Variants in SLC2A13 observed in about 807,000 individuals in gnomAD.
SLC2A13 encodes solute carrier family 2 member 13, also known as proton myo-inositol cotransporter.
In SLC2A13, 32 loss-of-function variants were observed where a neutral mutation model predicts 64.4. The ratio of observed to expected loss-of-function variants is 0.50; its 90% CI spans 0.37 to 0.67. The LOEUF is 0.67. Ranked by LOEUF, SLC2A13 falls within the 30% of genes least tolerant of loss-of-function variation. The pLI, the probability that SLC2A13 is intolerant of heterozygous loss-of-function variation, is 0.00. For synonymous variants in SLC2A13, 338 were observed against 327.1 expected, an observed-to-expected ratio of 1.03 and a Z score of -0.36; for missense variants, 743 against 829.2, an observed-to-expected ratio of 0.90 and a Z score of 1.28.
At chr12:40,083,466 C>A (rs573204220) in intron 1 of SLC2A13, among the ~76,000 whole-genome samples, 1 of 152,246 alleles carries the variant, frequency 6.6e-6, no homozygotes, top group Non-Finnish European at 1.5e-5. Flanking sequence ...CTCTCTAGAC[C>A]CCAGGGATCC....
At chr12:39,959,468 CATT>C (rs2136111421) in intron 3 of SLC2A13, among the ~76,000 whole-genome samples, 2 of 152,290 alleles carry the variant, frequency 1.3e-5, no homozygotes, top group African/African-American at 4.8e-5. Context: ...TTAATCTGGT[CATT>C]ATTATTCCAG....
chr12:39,786,073 A>G (rs2135752352), intron 7 of SLC2A13, among the ~76,000 whole-genome samples: 1 of 152,166 alleles, frequency 6.6e-6, no homozygotes, highest in Admixed American at 6.5e-5. Flanking sequence ...ACTGTTGGGA[A>G]GGCATGATTA....
chr12:39,768,586 AG>A (rs1415237268), intron 7 of SLC2A13, among the ~76,000 whole-genome samples: 1 of 152,070 alleles, frequency 6.6e-6, no homozygotes, highest in Non-Finnish European at 1.5e-5. Context: ...GGGAATAGAG[AG>A]GCTCCAGGAG....
chr12:39,846,307 G>A (rs1448212149), intron 6 of SLC2A13, among the ~76,000 whole-genome samples: 2 of 152,076 alleles, frequency 1.3e-5, no homozygotes, highest in Non-Finnish European at 2.9e-5. Context: ...ACCCTCCCTT[G>A]GACAATAGGA....
chr12:40,040,743 T>C (rs553601194), intron 2 of SLC2A13, among the ~76,000 whole-genome samples: 2 of 152,314 alleles, frequency 1.3e-5, no homozygotes, highest in East Asian at 3.9e-4. Flanking sequence ...ATGTGTTATC[T>C]AAATCTATCA....
chr12:39,766,829 G>C (rs1330238627), intron 7 of SLC2A13, among the ~76,000 whole-genome samples: 1 of 152,038 alleles, frequency 6.6e-6, no homozygotes, highest in African/African-American at 2.4e-5. Flanking sequence ...TTTATCATGA[G>C]ATTGCAGCAA....
At chr12:39,804,360 T>G (rs1566809449) in intron 7 of SLC2A13, among the ~76,000 whole-genome samples, 1 of 152,184 alleles carries the variant, frequency 6.6e-6, no homozygotes, top group Non-Finnish European at 1.5e-5. Flanking sequence ...ATAATATACT[T>G]CGAGCTATGT....
intron 3 of SLC2A13, among the ~76,000 whole-genome samples, chr12:39,974,028 T>A (rs1029108796): frequency 8.5e-5 from 13 of 152,222 alleles, no homozygotes; most frequent in Admixed American, 6.5e-4. Flanking sequence ...TCAGTTTCTG[T>A]AAGAGTTCTA....
At chr12:40,007,514 G>A (rs1007645989) in intron 3 of SLC2A13, among the ~76,000 whole-genome samples, 12 of 151,242 alleles carry the variant, frequency 7.9e-5, no homozygotes, top group African/African-American at 2.9e-4. Context: ...TTAAAAAAAG[G>A]TCATTACTAT....
chr12:40,104,907 G>A (rs1347614232), intron 1 of SLC2A13, among the ~76,000 whole-genome samples: 2 of 152,222 alleles, frequency 1.3e-5, no homozygotes, highest in Admixed American at 6.5e-5. Context: ...TCAAGAAGCA[G>A]CATCAGGTTA....
intron 3 of SLC2A13, among the ~76,000 whole-genome samples, chr12:40,011,809 G>T (rs1466606714): frequency 2.0e-5 from 3 of 152,328 alleles, no homozygotes; most frequent in African/African-American, 7.2e-5. Flanking sequence ...TTGTAGGGCT[G>T]AGGGCAAAAT....
chr12:39,934,231 C>T (rs1289919420), intron 4 of SLC2A13, among the ~76,000 whole-genome samples: 1 of 152,180 alleles, frequency 6.6e-6, no homozygotes, highest in Non-Finnish European at 1.5e-5. Flanking sequence ...CTATGAATGT[C>T]CATAGCTGTT....
intron 3 of SLC2A13, among the ~76,000 whole-genome samples, chr12:39,975,910 A>T (rs1402743930): frequency 2.0e-5 from 3 of 152,218 alleles, no homozygotes; most frequent in African/African-American, 7.2e-5. Context: ...AAAGTTGAAG[A>T]TTCTAAATAG....
At chr12:39,920,199 G>C (rs1315269665) in intron 4 of SLC2A13, among the ~76,000 whole-genome samples, 1 of 152,046 alleles carries the variant, frequency 6.6e-6, no homozygotes, top group Admixed American at 6.6e-5. Flanking sequence ...GTGTATGTGT[G>C]CATGTATTTT....
In SLC2A13 at chr12:39,764,629, T is replaced by C. The variant is rs754227528; in HGVS notation, c.1568-17A>G. On this transcript the variant is annotated splice_polypyrimidine_tract_variant and intron_variant, in intron 8 of 9. Coordinates refer to ENST00000280871, the MANE Select transcript of SLC2A13 (RefSeq NM_052885.4). ...GTCCCATTCCTGAGAAATAAAACAT[T>C]AAAAACTTTAGTAAAATAGCATGTA... is the stretch of plus-strand genomic sequence containing the variant. The C allele has an allele frequency of 2.5e-6, 4 of 1,580,862 alleles. No homozygotes were observed. The highest frequency in any genetic ancestry group is 3.9e-5 in the Admixed American group (2 of 50,886).
intron 4 of SLC2A13, among the ~76,000 whole-genome samples, chr12:39,875,376 C>T (rs1592230292): frequency 6.6e-6 from 1 of 152,298 alleles, no homozygotes; most frequent in East Asian, 1.9e-4. Flanking sequence ...GCTTTGCCTC[C>T]CTTGTGACTA....
At chr12:39,889,720 C>T (rs902000111) in intron 4 of SLC2A13, among the ~76,000 whole-genome samples, 8 of 151,660 alleles carry the variant, frequency 5.3e-5, no homozygotes, top group Non-Finnish European at 1.0e-4. Context: ...TTTAGAGAGA[C>T]GGGGTTTCAC....
In SLC2A13 at chr12:40,002,008, A is replaced by C. The variant is rs538918047; in HGVS notation, c.925+26293T>G. On this transcript the variant is annotated intron_variant, in intron 3 of 9. Transcript: ENST00000280871. ...ATGATTTTATTAAGTAGGTGATCTT[A>C]CTGGTCTACCGCACACATTTTCACT... Among the ~76,000 whole-genome samples the C allele has an allele frequency of 2.0e-5, 3 of 152,338 alleles. No individual in the cohort carries two copies. The South Asian group carries it at 6.2e-4, about 32-fold the overall frequency.
intron 3 of SLC2A13, among the ~76,000 whole-genome samples, chr12:39,997,286 A>G (rs904148164): frequency 6.6e-6 from 1 of 152,222 alleles, no homozygotes; most frequent in Non-Finnish European, 1.5e-5. Flanking sequence ...AAAGTGGGGA[A>G]AGGACACCAT....
Sources: gnomAD v4.1 joint callset for allele counts (sites outside exome capture counted in the v4.1 genomes callset) on GRCh38, gnomAD v4.1.1 for gene constraint, MANE v1.5 for transcripts, NCBI Gene and HGNC (gene_info 2026-07-23, HGNC 2026-07-21) for gene names.